EPHA3: variants seen among roughly 807,000 people sequenced by gnomAD.
The protein encoded by EPHA3 is ephrin type-A receptor 3.
In EPHA3, 42 loss-of-function variants were observed where a neutral mutation model predicts 107.1. The ratio of observed to expected loss-of-function variants is 0.39; its 90% confidence interval spans 0.31 to 0.51. The LOEUF (loss-of-function observed/expected upper bound fraction) is 0.51. Ranked by LOEUF, EPHA3 falls within the 20% of genes least tolerant of loss-of-function variation. The pLI is 0.78. For missense variants in EPHA3, 1,183 were observed against 1,211.2 expected (o/e 0.98, Z 0.35); for synonymous variants, 461 against 424.8 (o/e 1.09, Z -1.05).
intron 2 of EPHA3, among the ~76,000 whole-genome samples, chr3:89,138,662 G>A (rs1457580904): frequency 6.6e-6 from 1 of 151,770 alleles, no homozygotes; most frequent in Non-Finnish European, 1.5e-5. Context: ...ATAGGAATCA[G>A]AAAGGGCACT....
intron 2 of EPHA3, among the ~76,000 whole-genome samples, chr3:89,136,953 G>A (rs1483822447): frequency 2.0e-5 from 3 of 151,502 alleles, no homozygotes; most frequent in Non-Finnish European, 4.4e-5. Flanking sequence ...AAATAACTTT[G>A]GCACTAAGCT....
chr3:89,429,015 A>G (rs915617296), intron 11 of EPHA3, 91 bp from the exon 12 acceptor site: 8 of 809,204 alleles, frequency 9.9e-6, no homozygotes, highest in Non-Finnish European at 1.5e-5. Context: ...ACATCTCTAT[A>G]ATCCTCAGGT....
At chr3:89,343,199 A>G (rs1315911590) in intron 5 of EPHA3, among the ~76,000 whole-genome samples, 1 of 152,042 alleles carries the variant, frequency 6.6e-6, no homozygotes, top group Non-Finnish European at 1.5e-5. Context: ...ATCATGAGCC[A>G]AAAAAACTCA....
chr3:89,311,810 C>T (rs1309409874), intron 3 of EPHA3, among the ~76,000 whole-genome samples: 1 of 151,974 alleles, frequency 6.6e-6, no homozygotes, highest in Non-Finnish European at 1.5e-5. Flanking sequence ...GGCACAGACA[C>T]TTGTATTTTC....
chr3:89,109,625 T>C (rs1307639849), intron 1 of EPHA3, among the ~76,000 whole-genome samples: 2 of 152,032 alleles, frequency 1.3e-5, no homozygotes, highest in Admixed American at 6.5e-5. Flanking sequence ...TTCACACCTA[T>C]GTAAAATTAA....
At chr3:89,466,398 G>A (rs2107569047) in intron 15 of EPHA3, among the ~76,000 whole-genome samples, 1 of 106,652 alleles carries the variant, frequency 9.4e-6, no homozygotes, top group Non-Finnish European at 2.0e-5. Flanking sequence ...ACCTAAGCAA[G>A]CCTGGGCAAT....
intron 3 of EPHA3, among the ~76,000 whole-genome samples, chr3:89,323,426 C>T (rs1251040714): frequency 6.6e-6 from 1 of 152,090 alleles, no homozygotes; most frequent in Admixed American, 6.6e-5. Context: ...TGAACCTGGG[C>T]TCTTAACAAT....
intron 11 of EPHA3, among the ~76,000 whole-genome samples, chr3:89,425,019 C>A (rs1375452357): frequency 6.6e-6 from 1 of 151,352 alleles, no homozygotes; most frequent in Non-Finnish European, 1.5e-5. Context: ...AAATTATAGA[C>A]CTAATTTGAT....
intron 3 of EPHA3, among the ~76,000 whole-genome samples, chr3:89,331,977 C>T (rs1470560534): frequency 3.4e-4 from 51 of 152,128 alleles, no homozygotes; most frequent in Admixed American, 3.3e-3. Flanking sequence ...CTTCTCCAGG[C>T]TGTCTGCTAA....
In EPHA3 at chr3:89,395,954, A is replaced by G; in HGVS notation, c.1424A>G (p.Tyr475Cys). 4.3e-6 allele frequency: 7 copies of G among 1,613,830 alleles called. No individual in the cohort carries two copies. Among genetic ancestry groups the G allele is most frequent in the East Asian group, 2.2e-5 (1 of 44,868 alleles). Reference sequence around the variant, plus strand: ...ATATTGGACTACGAGGTCAAATACTATGAAAAGGTGGGGAAACAATGTTTA... The same window carrying G: ...ATATTGGACTACGAGGTCAAATACTGTGAAAAGGTGGGGAAACAATGTTTA... Reference protein sequence around the residue: ...GIILDYEVKYYEKQEQETSYT... With the variant: ...GIILDYEVKYCEKQEQETSYT... The change falls in exon 6 of 17, where the codon TAT (tyrosine) becomes TGT (cysteine). Residue 475 changes from tyrosine to cysteine, a missense_variant. Transcript: ENST00000336596.
intron 2 of EPHA3, among the ~76,000 whole-genome samples, chr3:89,142,603 A>G (rs1704454836): frequency 6.6e-6 from 1 of 151,526 alleles, no homozygotes; most frequent in African/African-American, 2.4e-5. Context: ...TACTTATATT[A>G]ACGTGCTTTT....
intron 3 of EPHA3, among the ~76,000 whole-genome samples, chr3:89,302,656 A>G (rs561300079): frequency 5.9e-5 from 9 of 152,250 alleles, no homozygotes; most frequent in African/African-American, 2.2e-4. Flanking sequence ...ATGTTTTAAG[A>G]TATCTTTAAA....
rs148963643 is a variant in EPHA3 at position 89,382,609 on chromosome 3, T to A, written c.1307-13228T>A. 2.4e-3 allele frequency among the ~76,000 whole-genome samples: 363 copies of A among 151,322 alleles called. 3 individuals carry two copies. The highest frequency in any genetic ancestry group is 8.6e-3 in the African/African-American group (352 of 41,164). ...AGAGGGAGCAAGGGAAAAGCATGGA[T>A]GGGAGCATTTATTGTGGTTTCATGA... On this transcript the variant is annotated intron_variant, in intron 5 of 16. Coordinates refer to ENST00000336596, the MANE Select transcript of EPHA3 (RefSeq NM_005233.6).
chr3:89,408,390 A>T (rs1709094219), intron 9 of EPHA3, among the ~76,000 whole-genome samples: 2 of 152,134 alleles, frequency 1.3e-5, no homozygotes, highest in African/African-American at 4.8e-5. Context: ...CGCACATGCT[A>T]GGTAGTAGAA....
chr3:89,319,795 A>G (rs1259688817), intron 3 of EPHA3, among the ~76,000 whole-genome samples: 2 of 151,956 alleles, frequency 1.3e-5, no homozygotes, highest in Non-Finnish European at 2.9e-5. Context: ...TGAATTCCCT[A>G]TAATTAAAAA....
intron 15 of EPHA3, among the ~76,000 whole-genome samples, chr3:89,468,958 T>G (rs72923631): frequency 0.036 from 5,470 of 152,176 alleles, 350 homozygotes; most frequent in African/African-American, 0.12. Flanking sequence ...AATCATAAAG[T>G]CGTTTGCATA....
intron 10 of EPHA3, among the ~76,000 whole-genome samples, chr3:89,418,369 G>T (rs140454851): frequency 6.6e-6 from 1 of 151,376 alleles, no homozygotes; most frequent in African/African-American, 2.4e-5. Context: ...AATGTAAAGG[G>T]TATCTGCTCT....
chr3:89,342,639 T>C (rs1282771859), intron 5 of EPHA3, among the ~76,000 whole-genome samples: 6 of 152,126 alleles, frequency 3.9e-5, no homozygotes, highest in African/African-American at 1.4e-4. Flanking sequence ...GGATTATATA[T>C]TACATAGAAA....
intron 13 of EPHA3, among the ~76,000 whole-genome samples, chr3:89,447,449 A>G (rs1398068054): frequency 6.6e-6 from 1 of 152,114 alleles, no homozygotes; most frequent in Non-Finnish European, 1.5e-5. Context: ...ACTCTCCCTG[A>G]ACAGCTCATT....
Sources: gnomAD v4.1 joint callset for allele counts (sites outside exome capture counted in the v4.1 genomes callset) on GRCh38, gnomAD v4.1.1 for gene constraint, MANE v1.5 for transcripts, NCBI Gene and HGNC (gene_info 2026-07-23, HGNC 2026-07-21) for gene names.